The following IGF1R variants were observed in gnomAD, a reference collection of about 807,000 sequenced individuals.
IGF1R encodes insulin like growth factor 1 receptor.
Under a neutral mutation model 144.6 loss-of-function variants are expected in IGF1R, and 44 were observed. That is an observed-to-expected ratio of 0.30 (90% CI 0.24 to 0.39). IGF1R has a LOEUF of 0.39. Ranked by LOEUF, IGF1R falls within the 10% of genes least tolerant of loss-of-function variation. The pLI, the probability that IGF1R is intolerant of heterozygous loss-of-function variation, is 1.00. For synonymous variants in IGF1R, 795 were observed against 722.8 expected (o/e 1.10, Z -1.60); for missense variants, 1,355 against 1,833.7 (o/e 0.74, Z 4.77).
chr15:98,760,254 G>C (rs1448099682), intron 2 of IGF1R, among the ~76,000 whole-genome samples: 1 of 151,958 alleles, frequency 6.6e-6, no homozygotes, highest in African/African-American at 2.4e-5. Flanking sequence ...GGGAGGCTGA[G>C]GGCAGGAGAA....
At chr15:98,871,187 A>G (rs2012766796) in intron 2 of IGF1R, among the ~76,000 whole-genome samples, 1 of 152,248 alleles carries the variant, frequency 6.6e-6, no homozygotes, top group Admixed American at 6.5e-5. Flanking sequence ...CCAGCTCTCA[A>G]GCAAGCATCC....
intron 2 of IGF1R, among the ~76,000 whole-genome samples, chr15:98,866,601 A>G (rs942871902): frequency 6.6e-6 from 1 of 152,196 alleles, no homozygotes; most frequent in East Asian, 1.9e-4. Context: ...CCTGGTCATC[A>G]ATTATAGTGA....
intron 12 of IGF1R, 42 bp from the exon 13 acceptor site, chr15:98,924,483 C>A: frequency 6.2e-7 from 1 of 1,607,292 alleles, no homozygotes; most frequent in Non-Finnish European, 8.5e-7. Flanking sequence ...CAGATTTCTC[C>A]TGCATTCATG....
chr15:98,711,653 G>A (rs1424363073), intron 2 of IGF1R, among the ~76,000 whole-genome samples: 1 of 152,110 alleles, frequency 6.6e-6, no homozygotes, highest in Non-Finnish European at 1.5e-5. Flanking sequence ...TGGTGTGGTT[G>A]ATTCTTCTTC....
intron 2 of IGF1R, among the ~76,000 whole-genome samples, chr15:98,710,913 G>A (rs962845567): frequency 5.9e-5 from 9 of 151,750 alleles, no homozygotes; most frequent in Non-Finnish European, 8.8e-5. Context: ...CAGATGATCC[G>A]CCCGCCTCAG....
At chr15:98,692,877 A>G (rs567924429) in intron 1 of IGF1R, among the ~76,000 whole-genome samples, 33 of 152,244 alleles carry the variant, frequency 2.2e-4, no homozygotes, top group South Asian at 6.2e-4. Context: ...CGCCCTAGAT[A>G]GTAGGGGCCT....
chr15:98,797,684 T>C (rs2056276981), intron 2 of IGF1R, among the ~76,000 whole-genome samples: 1 of 152,218 alleles, frequency 6.6e-6, no homozygotes, highest in African/African-American at 2.4e-5. Context: ...AATGTCAGTA[T>C]ATACATTGCC....
chr15:98,716,069 A>G (rs1469156029), intron 2 of IGF1R, among the ~76,000 whole-genome samples: 1 of 152,182 alleles, frequency 6.6e-6, no homozygotes, highest in Non-Finnish European at 1.5e-5. Context: ...GGACTTGGGC[A>G]TGTGAGGCTG....
rs147298289 is a variant in IGF1R at position 98,945,671 on chromosome 15, C to A, written c.3587+2619C>A. 4.5e-4 allele frequency among the ~76,000 whole-genome samples: 69 copies of A among 152,166 alleles called. 1 individual carries two copies. The highest frequency in any genetic ancestry group is 1.6e-3 in the African/African-American group (68 of 41,512). The stretch of plus-strand genomic sequence containing the variant: ...TGGTTAAACCTCAGAGCTTCTCTGG[C>A]CTTCGGTTGCTCCATCTGTAAGGCA... On this transcript the variant is annotated intron_variant, in intron 19 of 20. Transcript: ENST00000650285.
chr15:98,924,508 A>C lies in IGF1R; in HGVS notation c.2623-17A>C, dbSNP rs563342673. 8 of 1,613,646 alleles carry C rather than the reference A, an allele frequency of 5.0e-6. No individual in the cohort carries two copies. In the South Asian group the frequency reaches 8.8e-5, roughly 18 times the overall value. ...CTGCATTCATGGGAAATTGACATGT[A>C]TGTTTTATTTCCCCAGGATCAGCGA... On this transcript the variant is annotated splice_polypyrimidine_tract_variant and intron_variant, in intron 12 of 20. Coordinates refer to ENST00000650285, the MANE Select transcript of IGF1R (RefSeq NM_000875.5).
At chr15:98,715,096 T>C (rs957354926) in intron 2 of IGF1R, among the ~76,000 whole-genome samples, 2 of 152,222 alleles carry the variant, frequency 1.3e-5, no homozygotes, top group African/African-American at 4.8e-5. Flanking sequence ...GGGGGTGATC[T>C]TTATTTAGAA....
intron 2 of IGF1R, among the ~76,000 whole-genome samples, chr15:98,821,525 G>A (rs988019857): frequency 7.2e-5 from 11 of 151,852 alleles, no homozygotes; most frequent in African/African-American, 2.7e-4. Context: ...AGGGGAAGGG[G>A]TGGCTTGCCA....
chr15:98,913,011 C>A (rs1462247284), intron 7 of IGF1R, 33 bp from the exon 8 acceptor site: 2 of 1,504,930 alleles, frequency 1.3e-6, no homozygotes, highest in African/African-American at 1.4e-5. Context: ...ATGTCAGAGC[C>A]CCGAACTTTC....
intron 1 of IGF1R, among the ~76,000 whole-genome samples, chr15:98,656,615 T>G (rs910783574): frequency 4.6e-5 from 7 of 151,014 alleles, no homozygotes; most frequent in African/African-American, 1.7e-4. Context: ...ATTTTTTTTT[T>G]GTTTTTTTGC....
chr15:98,922,016 A>C, intron 10 of IGF1R, 132 bp from the exon 11 acceptor site: 1 of 876,502 alleles, frequency 1.1e-6, no homozygotes, highest in Non-Finnish European at 1.9e-6. Flanking sequence ...GTTATTCATG[A>C]GTTCTTACCT....
chr15:98,948,828 A>G, intron 20 of IGF1R, 120 bp downstream of exon 20: 1 of 1,201,968 alleles, frequency 8.3e-7, no homozygotes. Context: ...CTCCCTTGCC[A>G]GGCGTGGCTA....
intron 2 of IGF1R, among the ~76,000 whole-genome samples, chr15:98,842,223 T>A (rs2011186698): frequency 6.6e-6 from 1 of 152,234 alleles, no homozygotes; most frequent in Non-Finnish European, 1.5e-5. Context: ...CTCAAAAATC[T>A]GTGCTTGTAT....
At chr15:98,860,260 G>A (rs1488547538) in intron 2 of IGF1R, among the ~76,000 whole-genome samples, 1 of 152,152 alleles carries the variant, frequency 6.6e-6, no homozygotes, top group Admixed American at 6.5e-5. Context: ...CATGATTTTC[G>A]GAGTCAGTGC....
chr15:98,654,378 A>G (rs909028405), intron 1 of IGF1R, among the ~76,000 whole-genome samples: 1 of 152,182 alleles, frequency 6.6e-6, no homozygotes, highest in African/African-American at 2.4e-5. Flanking sequence ...GTTGCATAGC[A>G]TGTTTTGAGT....
Sources: allele counts gnomAD v4.1 joint callset (sites outside exome capture counted in the v4.1 genomes callset), GRCh38; gene constraint gnomAD v4.1.1; transcripts MANE v1.5; gene names NCBI Gene and HGNC (gene_info 2026-07-23, HGNC 2026-07-21).